The following DLGAP1 variants were observed in gnomAD, a reference collection of about 807,000 sequenced individuals.
The protein encoded by DLGAP1 is DLG associated protein 1.
In DLGAP1, 11 loss-of-function variants were observed where a neutral mutation model predicts 90.8. The observed-to-expected ratio is 0.12, with a 90% CI of 0.08 to 0.20. The LOEUF (loss-of-function observed/expected upper bound fraction) is 0.20, where lower values mean the gene tolerates loss of function less well. Ranked by LOEUF, DLGAP1 falls within the 10% of genes least tolerant of loss-of-function variation. The probability of loss-of-function intolerance (pLI) is 1.00; values close to 1 mark genes in which losing one functional copy is unlikely to be tolerated. For synonymous variants in DLGAP1, 558 were observed against 540.7 expected (o/e 1.03, Z -0.44); for missense variants, 1,050 against 1,333.8 (o/e 0.79, Z 3.31).
At chr18:4,410,065 C>G (rs1222059769) in intron 1 of DLGAP1, among the ~76,000 whole-genome samples, 5 of 152,100 alleles carry the variant, frequency 3.3e-5, no homozygotes, top group Non-Finnish European at 7.4e-5. Flanking sequence ...AATGGAAAAC[C>G]AAACATGGTA....
rs1020070873 is a variant in DLGAP1, at chr18:4,171,239, A to G, written c.-266-19952T>C. 3.9e-5 allele frequency among the ~76,000 whole-genome samples: 6 copies of G among 152,148 alleles called. 1 individual carries two copies. The highest frequency in any genetic ancestry group is 5.9e-5 in the Non-Finnish European group (4 of 68,032). On this transcript the variant is annotated intron_variant, in intron 1 of 12. Transcript: ENST00000315677. ...TGCATAAGGCCTCTTTAATTGTTAAAGATAGAAAGTATTTTGCCAGGCGCG... is the reference window on the plus strand; with the variant it reads ...TGCATAAGGCCTCTTTAATTGTTAAGGATAGAAAGTATTTTGCCAGGCGCG...
At chr18:3,681,659 T>C (rs2060517530) in intron 7 of DLGAP1, among the ~76,000 whole-genome samples, 1 of 152,172 alleles carries the variant, frequency 6.6e-6, no homozygotes, top group Non-Finnish European at 1.5e-5. Context: ...GTCACATGGT[T>C]TGGATCTGTG....
At chr18:3,535,942 G>A (rs2144532602) in intron 9 of DLGAP1, among the ~76,000 whole-genome samples, 1 of 152,124 alleles carries the variant, frequency 6.6e-6, no homozygotes, top group East Asian at 1.9e-4. Context: ...GGCTGAGGCA[G>A]GAGAATCGCT....
At chr18:3,730,633 C>T (rs1026448125) in intron 6 of DLGAP1, among the ~76,000 whole-genome samples, 4 of 151,978 alleles carry the variant, frequency 2.6e-5, no homozygotes, top group Non-Finnish European at 5.9e-5. Context: ...GTTTTGAATA[C>T]TTACTGAAAA....
chr18:3,954,342 G>C (rs2073044442), intron 3 of DLGAP1, among the ~76,000 whole-genome samples: 1 of 152,176 alleles, frequency 6.6e-6, no homozygotes. Context: ...CAGAAGCTCT[G>C]ATACTAAGCT....
At chr18:3,667,675 T>C (rs576553027) in intron 7 of DLGAP1, among the ~76,000 whole-genome samples, 6 of 152,180 alleles carry the variant, frequency 3.9e-5, no homozygotes, top group Non-Finnish European at 7.3e-5. Flanking sequence ...AGTACATCTC[T>C]GACACTTCCA....
intron 1 of DLGAP1, among the ~76,000 whole-genome samples, chr18:4,353,980 TG>T (rs1180540516): frequency 6.6e-6 from 1 of 152,136 alleles, no homozygotes; most frequent in Non-Finnish European, 1.5e-5. Context: ...CGTGTACAAC[TG>T]AGATGAATGA....
In DLGAP1 at chr18:3,879,137, T is replaced by C. The variant is rs777360917; in HGVS notation, c.932A>G (p.Gln311Arg). 1.3e-6 allele frequency: 2 copies of C among 1,506,588 alleles called. No individual in the cohort carries two copies. The highest frequency in any genetic ancestry group is 1.4e-5 in the South Asian group (1 of 73,980). 93.3% of individuals were successfully genotyped at this position (1,506,588 alleles called of 1,614,324 possible). ...QAMVKSESCQ[Q>R]ERSCQYLQVP... ...CTGCAGGTACTGGCAGGAGCGTTCT[T>C]GCTGACACGACTCGGACTTCACCAT... Residue 311 changes from glutamine to arginine, a missense_variant, in exon 4 of 13, where the codon CAA (glutamine) becomes CGA (arginine). Gln to Arg is a conservative substitution (Grantham distance 43). Transcript: ENST00000315677. The surrounding 1 kb of genome is among the most constrained non-coding windows in gnomAD (Gnocchi z 6.6).
At chr18:3,598,916 G>A (rs1023673095) in intron 7 of DLGAP1, among the ~76,000 whole-genome samples, 2 of 152,034 alleles carry the variant, frequency 1.3e-5, no homozygotes, top group African/African-American at 4.8e-5. Flanking sequence ...GAGACTACAG[G>A]CGGGCGCCAC....
At chr18:3,960,725 G>A (rs1195196474) in intron 3 of DLGAP1, among the ~76,000 whole-genome samples, 2 of 152,208 alleles carry the variant, frequency 1.3e-5, no homozygotes, top group Non-Finnish European at 2.9e-5. Flanking sequence ...ACCACACTTT[G>A]AGAACCACTG....
chr18:3,964,203 C>A (rs1270645300), intron 3 of DLGAP1, among the ~76,000 whole-genome samples: 1 of 151,992 alleles, frequency 6.6e-6, no homozygotes, highest in Non-Finnish European at 1.5e-5. Context: ...AAAAAAGGGG[C>A]AGTGCAGACA....
chr18:3,977,325 G>A (rs781213959), intron 3 of DLGAP1, among the ~76,000 whole-genome samples: 10 of 152,036 alleles, frequency 6.6e-5, no homozygotes, highest in Admixed American at 3.3e-4. Flanking sequence ...GCCTGCCTTG[G>A]CCTCTCAAAG....
intron 5 of DLGAP1, among the ~76,000 whole-genome samples, chr18:3,802,129 T>C (rs1376182048): frequency 2.0e-5 from 3 of 152,044 alleles, no homozygotes; most frequent in South Asian, 2.1e-4. Context: ...GGACTACAGG[T>C]GTGTGCCACC....
intron 3 of DLGAP1, among the ~76,000 whole-genome samples, chr18:3,971,930 AGTG>A (rs757191138): frequency 9.9e-5 from 15 of 152,190 alleles, no homozygotes; most frequent in Non-Finnish European, 1.9e-4. Flanking sequence ...GCAACTGTAA[AGTG>A]CTGGTCCAGT....
At chr18:3,706,067 T>G (rs1359279393) in intron 7 of DLGAP1, among the ~76,000 whole-genome samples, 2 of 150,248 alleles carry the variant, frequency 1.3e-5, no homozygotes, top group East Asian at 3.9e-4. Flanking sequence ...GCGCAATCTC[T>G]GCTCACTGCA....
At position 4,395,465 on chromosome 18, in the gene DLGAP1, G is replaced by A. The variant is rs114089182; in HGVS notation, c.-267+59541C>T. ...ATCTACCTCAGTACGAGGGCTCCGC[G>A]TATTACCTATAGCCAGAGACTGATG... On this transcript the variant is annotated intron_variant, in intron 1 of 12. Transcript: ENST00000315677. 9.5e-3 allele frequency among the ~76,000 whole-genome samples: 1,453 copies of A among 152,202 alleles called. 21 individuals carry two copies. The highest frequency in any genetic ancestry group is 0.034 in the African/African-American group (1,396 of 41,512).
intron 5 of DLGAP1, among the ~76,000 whole-genome samples, chr18:3,795,983 A>C (rs962676261): frequency 6.6e-6 from 1 of 152,098 alleles, no homozygotes; most frequent in African/African-American, 2.4e-5. Flanking sequence ...TCTTAAAGAG[A>C]TGCTATCCGA....
chr18:3,879,679 G>C lies in DLGAP1; in HGVS notation c.390C>G (p.His130Gln), dbSNP rs1451020500. The part of the protein sequence containing the change: ...TLQYKRTAVE[H>Q]RSDSPGRIRH... ...GGATGCGGCCGGGGCTGTCGCTGCGGTGCTCCACGGCCGTGCGCTTGTACT... is the reference window on the plus strand; with the variant it reads ...GGATGCGGCCGGGGCTGTCGCTGCGCTGCTCCACGGCCGTGCGCTTGTACT... Residue 130 changes from histidine (H) to glutamine (Q), a missense_variant, in exon 4 of 13, where the codon CAC (histidine) becomes CAG (glutamine). Coordinates refer to ENST00000315677, the MANE Select transcript of DLGAP1 (RefSeq NM_004746.4). The surrounding 1 kb of genome is among the most constrained non-coding windows in gnomAD (Gnocchi z 6.6). 1 of 1,607,196 alleles carries C rather than the reference G, an allele frequency of 6.2e-7. No homozygotes were observed. The highest frequency in any genetic ancestry group is 1.7e-5 in the Admixed American group (1 of 59,982).
intron 2 of DLGAP1, among the ~76,000 whole-genome samples, chr18:4,088,513 A>C (rs995530038): frequency 3.9e-5 from 6 of 152,026 alleles, no homozygotes; most frequent in Admixed American, 3.3e-4. Context: ...TGAGGATCCA[A>C]GTTTCTGTTA....
Sources: gnomAD v4.1 joint callset for allele counts (sites outside exome capture counted in the v4.1 genomes callset) on GRCh38, gnomAD v4.1.1 for gene constraint, Gnocchi (gnomAD v3.1) non-coding constraint, MANE v1.5 for transcripts, NCBI Gene and HGNC (gene_info 2026-07-23, HGNC 2026-07-21) for gene names.